Variants in PARVA observed in about 807,000 individuals in gnomAD.
The protein encoded by PARVA is parvin alpha, also known as alpha-parvin.
A neutral mutation model predicts 52.6 loss-of-function variants in PARVA; 25 were observed. The ratio of observed to expected loss-of-function variants is 0.48; its 90% CI spans 0.35 to 0.66. PARVA has a LOEUF of 0.66. PARVA is among the 30% of genes least tolerant of loss of function. PARVA has a pLI of 0.01. For missense variants in PARVA, 373 were observed against 450.9 expected (o/e 0.83, Z 1.56); for synonymous variants, 185 against 179.1 (o/e 1.03, Z -0.26).
Position 12,422,201 on chromosome 11 carries a change from C to T in PARVA, c.136+44418C>T, listed in dbSNP as rs143690553. Among the ~76,000 whole-genome samples the T allele has an allele frequency of 7.6e-3, 1,162 of 152,080 alleles. 9 individuals carry two copies. The highest frequency in any genetic ancestry group is 0.019 in the African/African-American group (803 of 41,484). On this transcript the variant is annotated intron_variant, in intron 1 of 12. Coordinates refer to ENST00000334956, the MANE Select transcript of PARVA (RefSeq NM_018222.5). Reference sequence around the variant, plus strand: ...ATGTCATAGAAATCCTACTGAATTGCTATATTGAATTTACTTAACCCATTT... The same window carrying T: ...ATGTCATAGAAATCCTACTGAATTGTTATATTGAATTTACTTAACCCATTT...
At chr11:12,463,340 A>C (rs749417280) in intron 1 of PARVA, among the ~76,000 whole-genome samples, 3 of 152,008 alleles carry the variant, frequency 2.0e-5, no homozygotes, top group Non-Finnish European at 2.9e-5. Context: ...ATGTCTCCTT[A>C]GGCTTCTCTT....
intron 1 of PARVA, among the ~76,000 whole-genome samples, chr11:12,467,766 A>G (rs979212424): frequency 6.6e-6 from 1 of 152,228 alleles, no homozygotes; most frequent in Non-Finnish European, 1.5e-5. Context: ...TGAAGGAGAA[A>G]GAACATCCTG....
intron 4 of PARVA, among the ~76,000 whole-genome samples, chr11:12,486,377 T>C (rs909612543): frequency 7.9e-5 from 12 of 151,520 alleles, no homozygotes; most frequent in Non-Finnish European, 1.5e-5. Flanking sequence ...CTACTAAAAA[T>C]ACAAAATTAG....
intron 1 of PARVA, among the ~76,000 whole-genome samples, chr11:12,407,630 C>T (rs1243853090): frequency 6.6e-6 from 1 of 152,160 alleles, no homozygotes; most frequent in Non-Finnish European, 1.5e-5. Flanking sequence ...TTGGTCTCTT[C>T]TCACACCCTC....
At chr11:12,424,047 TG>T (rs1170654343) in intron 1 of PARVA, among the ~76,000 whole-genome samples, 1 of 152,206 alleles carries the variant, frequency 6.6e-6, no homozygotes, top group East Asian at 1.9e-4. Context: ...TTAATGTTAC[TG>T]GTATTACTCT....
intron 1 of PARVA, among the ~76,000 whole-genome samples, chr11:12,404,090 C>T (rs1408096776): frequency 1.4e-5 from 2 of 138,862 alleles, no homozygotes; most frequent in African/African-American, 2.8e-5. Flanking sequence ...GTTGGCTCAC[C>T]GTTTAATATA....
At chr11:12,450,438 A>G (rs1032561032) in intron 1 of PARVA, among the ~76,000 whole-genome samples, 2 of 152,214 alleles carry the variant, frequency 1.3e-5, no homozygotes, top group Non-Finnish European at 2.9e-5. Context: ...TAACCCCACT[A>G]TTGAGCTCTG....
chr11:12,475,401 T>TA (rs1403298898), intron 3 of PARVA, among the ~76,000 whole-genome samples: 7 of 152,222 alleles, frequency 4.6e-5, no homozygotes, highest in African/African-American at 1.2e-4. Context: ...CTCATGCACT[T>TA]CTCTGTCTCC....
intron 4 of PARVA, among the ~76,000 whole-genome samples, chr11:12,490,749 T>C (rs1308829325): frequency 6.6e-6 from 1 of 152,186 alleles, no homozygotes; most frequent in African/African-American, 2.4e-5. Context: ...TCTAATTTGT[T>C]AATTAAAACA....
At chr11:12,418,202 C>T (rs914965870) in intron 1 of PARVA, among the ~76,000 whole-genome samples, 11 of 152,174 alleles carry the variant, frequency 7.2e-5, no homozygotes, top group Non-Finnish European at 1.2e-4. Flanking sequence ...GGAAGTGGGT[C>T]ATTGGAGCCC....
At chr11:12,469,818 C>A (rs964917682) in intron 1 of PARVA, among the ~76,000 whole-genome samples, 7 of 152,116 alleles carry the variant, frequency 4.6e-5, no homozygotes, top group Admixed American at 2.0e-4. Context: ...AGAGGCAGGG[C>A]AGAGGGGAAT....
intron 10 of PARVA, among the ~76,000 whole-genome samples, chr11:12,517,230 G>T (rs1406581052): frequency 6.6e-6 from 1 of 151,960 alleles, no homozygotes; most frequent in East Asian, 1.9e-4. Context: ...CCTTCCATCA[G>T]AGCAGCTGTG....
At chr11:12,489,907 G>A (rs1236983347) in intron 4 of PARVA, among the ~76,000 whole-genome samples, 2 of 152,208 alleles carry the variant, frequency 1.3e-5, no homozygotes, top group Non-Finnish European at 2.9e-5. Context: ...ACTGTTAGGA[G>A]AGGCGGCTTT....
chr11:12,385,156 C>T (rs1005377887), intron 1 of PARVA, among the ~76,000 whole-genome samples: 4 of 151,908 alleles, frequency 2.6e-5, no homozygotes, highest in African/African-American at 4.8e-5. Context: ...GGCAACATGG[C>T]GAAACCCCAT....
At chr11:12,473,080 C>G (rs1438322091) in intron 1 of PARVA, among the ~76,000 whole-genome samples, 1 of 152,154 alleles carries the variant, frequency 6.6e-6, no homozygotes, top group African/African-American at 2.4e-5. Flanking sequence ...CAGTCAAACT[C>G]TATTTTCAGC....
intron 4 of PARVA, among the ~76,000 whole-genome samples, chr11:12,491,723 ATTAC>A (rs1941236059): frequency 6.6e-6 from 1 of 152,192 alleles, no homozygotes; most frequent in Non-Finnish European, 1.5e-5. Flanking sequence ...AATGATAATC[ATTAC>A]TTCAAGAATT....
At chr11:12,493,898 G>A (rs1156407894) in intron 4 of PARVA, among the ~76,000 whole-genome samples, 1 of 152,152 alleles carries the variant, frequency 6.6e-6, no homozygotes, top group Non-Finnish European at 1.5e-5. Context: ...GCCCTCACAG[G>A]TTAAGGGCTC....
chr11:12,446,039 T>TAA (rs1163924059), intron 1 of PARVA, among the ~76,000 whole-genome samples: 5 of 107,806 alleles, frequency 4.6e-5, no homozygotes, highest in East Asian at 2.7e-4. Context: ...TTCATTTACT[T>TAA]TAAAAAAAAA....
At chr11:12,476,958 A>G (rs1391843559) in intron 3 of PARVA, among the ~76,000 whole-genome samples, 1 of 152,204 alleles carries the variant, frequency 6.6e-6, no homozygotes, top group Non-Finnish European at 1.5e-5. Flanking sequence ...TGGTTCCCCC[A>G]GGCCTGTGGT....
Sources: gnomAD v4.1 joint callset for allele counts (sites outside exome capture counted in the v4.1 genomes callset) on GRCh38, gnomAD v4.1.1 for gene constraint, MANE v1.5 for transcripts, NCBI Gene and HGNC (gene_info 2026-07-23, HGNC 2026-07-21) for gene names.